The following IZUMO2 variants were observed in gnomAD, a reference collection of about 807,000 sequenced individuals.
The protein encoded by IZUMO2 is IZUMO family member 2, also known as izumo sperm-egg fusion protein 2.
A neutral mutation model predicts 31.2 loss-of-function variants in IZUMO2; 24 were observed. That is an observed-to-expected ratio of 0.77 (90% CI 0.56 to 1.08). IZUMO2 has a LOEUF of 1.08. Among genes scored for constraint, IZUMO2 ranks in the 50% least tolerant of loss-of-function variants. IZUMO2 has a pLI of 0.00. For synonymous variants in IZUMO2, 144 were observed against 117.3 expected, an observed-to-expected ratio of 1.23 and a Z score of -1.47; for missense variants, 278 against 274.0, an observed-to-expected ratio of 1.01 and a Z score of -0.10.
intron 6 of IZUMO2, among the ~76,000 whole-genome samples, chr19:50,154,265 T>A (rs1392374564): frequency 6.3e-3 from 36 of 5,676 alleles, no homozygotes; most frequent in South Asian, 7.4e-3. Flanking sequence ...ACTTTTAGCG[T>A]TTTTTTTTTT....
Position 50,152,639 on chromosome 19 carries a change from G to T in IZUMO2, c.636C>A (p.Tyr212Ter). 1 of 1,613,274 alleles carries T rather than the reference G, an allele frequency of 6.2e-7. No homozygotes were observed. The highest frequency in any genetic ancestry group is 8.5e-7 in the Non-Finnish European group (1 of 1,179,232). The change falls in exon 7 of 7, where the codon TAC (tyrosine) becomes TAA (stop). Residue 212 changes from tyrosine (Y) to a stop codon, truncating the protein, a stop_gained. Coordinates refer to ENST00000293405, the MANE Select transcript of IZUMO2 (RefSeq NM_152358.3). LOFTEE classifies it high-confidence loss of function. Reference sequence around the variant, plus strand: ...GCAGCAGGAGTTTTCGGTTTTGTCTGTATGTACAAGCCCTGGTCAGAGAGA... The same window carrying T: ...GCAGCAGGAGTTTTCGGTTTTGTCTTTATGTACAAGCCCTGGTCAGAGAGA... ...FVVIVVSACT[Y>*]RQNRKLLLQ
At position 50,154,595 on chromosome 19, in the gene IZUMO2, C is replaced by T. The variant is rs2030149447; in HGVS notation, c.623+5G>A. Reference sequence around the variant, plus strand: ...GGGACTGAGGAGGGGGCAAGGATGACTCACGAGACCACGATGACCACGAAG... The same window carrying T: ...GGGACTGAGGAGGGGGCAAGGATGATTCACGAGACCACGATGACCACGAAG... On this transcript the variant is annotated splice_donor_5th_base_variant and intron_variant, in intron 6 of 6. Transcript: ENST00000293405. 1.9e-6 allele frequency: 3 copies of T among 1,613,730 alleles called. No homozygotes were observed. Among genetic ancestry groups the T allele is most frequent in the Non-Finnish European group, 2.5e-6 (3 of 1,179,902 alleles).
chr19:50,159,106 C>T, intron 4 of IZUMO2, 124 bp downstream of exon 4: 1 of 902,088 alleles, frequency 1.1e-6, no homozygotes, highest in Non-Finnish European at 1.8e-6. Flanking sequence ...CCCTAGGTAC[C>T]ATGGCTTTGG....
rs1390968856 is a variant in IZUMO2 at position 50,158,957 on chromosome 19, AC to A, written c.415+272del. On this transcript the variant is annotated intron_variant, in intron 4 of 6. Coordinates refer to ENST00000293405, the MANE Select transcript of IZUMO2 (RefSeq NM_152358.3). ...TGAAATTTGGGTGAAAGAAAAATAAACCTTTGTTGTGTTAAACCACCAAGAT... is the reference window on the plus strand; with the variant it reads ...TGAAATTTGGGTGAAAGAAAAATAAACTTTGTTGTGTTAAACCACCAAGAT... 3.9e-5 allele frequency among the ~76,000 whole-genome samples: 6 copies of A among 152,054 alleles called. No homozygotes were observed. The East Asian group carries it at 1.2e-3, about 29-fold the overall frequency.
chr19:50,152,856 C>T (rs2030075286), intron 6 of IZUMO2, among the ~76,000 whole-genome samples: 2 of 151,996 alleles, frequency 1.3e-5, no homozygotes, highest in African/African-American at 4.8e-5. Context: ...GAGCTGGGAC[C>T]AGGGGTGATG....
At chr19:50,155,363 A>G (rs1600812031) in intron 5 of IZUMO2, among the ~76,000 whole-genome samples, 1 of 152,158 alleles carries the variant, frequency 6.6e-6, no homozygotes, top group Admixed American at 6.5e-5. Flanking sequence ...GTGCCACTGC[A>G]CCCCAGCCTG....
intron 6 of IZUMO2, among the ~76,000 whole-genome samples, chr19:50,153,288 A>G (rs2030087838): frequency 6.6e-6 from 1 of 152,186 alleles, no homozygotes; most frequent in South Asian, 2.1e-4. Context: ...GAAGGAACCA[A>G]CTTTGCCAAC....
chr19:50,152,604 C>A lies in IZUMO2; in HGVS notation c.*5G>T, dbSNP rs759859220. 6.2e-7 allele frequency: 1 copy of A among 1,611,396 alleles called. No individual in the cohort carries two copies. Among genetic ancestry groups the A allele is most frequent in the Non-Finnish European group, 8.5e-7 (1 of 1,177,524 alleles). On this transcript the variant is annotated 3_prime_UTR_variant, in exon 7 of 7. Transcript: ENST00000293405. ...TTCCTTTCTCCTTACCCCCAAACCA[C>A]CGTCCTACTGCAGCAGGAGTTTTCG...
chr19:50,154,045 C>T (rs1236394307), intron 6 of IZUMO2, among the ~76,000 whole-genome samples: 3 of 146,228 alleles, frequency 2.1e-5, no homozygotes, highest in Admixed American at 6.9e-5. Flanking sequence ...AAAGAGGCAG[C>T]GAGATAAGCT....
chr19:50,158,399 G>A lies in IZUMO2; in HGVS notation c.416-51C>T, dbSNP rs375392716. The A allele has an allele frequency of 8.2e-5, 101 of 1,237,332 alleles. 1 individual carries two copies. The highest frequency in any genetic ancestry group is 5.1e-5 in the South Asian group (4 of 78,994). 76.6% of individuals were successfully genotyped at this position (1,237,332 alleles called of 1,614,324 possible). Reference sequence around the variant, plus strand: ...AGACAAGGGCAGATATCAGAGGACCGGCAAGGGTGGAAAGGAAGAAGGAGA... The same window carrying A: ...AGACAAGGGCAGATATCAGAGGACCAGCAAGGGTGGAAAGGAAGAAGGAGA... On this transcript the variant is annotated intron_variant, in intron 4 of 6. Coordinates refer to ENST00000293405, the MANE Select transcript of IZUMO2 (RefSeq NM_152358.3).
At chr19:50,154,430 G>A (rs1187604543) in intron 6 of IZUMO2, among the ~76,000 whole-genome samples, 170 bp downstream of exon 6, 3 of 150,682 alleles carry the variant, frequency 2.0e-5, no homozygotes, top group Non-Finnish European at 4.4e-5. Context: ...GGGGCAGGGG[G>A]CGGGAGGGAG....
In IZUMO2 at chr19:50,156,805, AAAAAG is replaced by A. The variant is rs565724819; in HGVS notation, c.496+1458_496+1462del. Among the ~76,000 whole-genome samples, 13 of 152,340 alleles carry A rather than the reference AAAAAG, an allele frequency of 8.5e-5. 1 individual carries two copies. The South Asian group carries it at 2.7e-3, about 32-fold the overall frequency. On this transcript the variant is annotated intron_variant, in intron 5 of 6. Transcript: ENST00000293405. Reference sequence around the variant, plus strand: ...CAAAACAAAAACTGTTCTAGATTTTAAAAAGAAGAGAAAAACCTAACAATTGAATG... The same window carrying A: ...CAAAACAAAAACTGTTCTAGATTTTAAAGAGAAAAACCTAACAATTGAATG...
chr19:50,155,223 A>G (rs2123048943), intron 5 of IZUMO2, among the ~76,000 whole-genome samples: 1 of 152,210 alleles, frequency 6.6e-6, no homozygotes, highest in African/African-American at 2.4e-5. Context: ...GGGCTGTGAG[A>G]TCCTATCTCT....
At chr19:50,155,750 G>T (rs1324565480) in intron 5 of IZUMO2, among the ~76,000 whole-genome samples, 1 of 152,064 alleles carries the variant, frequency 6.6e-6, no homozygotes, top group Non-Finnish European at 1.5e-5. Flanking sequence ...ACCTAAGTCG[G>T]CTCCCTCTGC....
At chr19:50,155,143 G>A (rs543128755) in intron 5 of IZUMO2, among the ~76,000 whole-genome samples, 26 of 152,162 alleles carry the variant, frequency 1.7e-4, no homozygotes, top group African/African-American at 3.1e-4. Flanking sequence ...GTGAGCTTGC[G>A]CCTATAATCC....
rs2030129784 is a variant in IZUMO2 at position 50,154,264 on chromosome 19, G to GTTTTTTTGTTTTTTTT, written c.623+335_623+336insAAAAAAAACAAAAAAA. 5.0e-5 allele frequency among the ~76,000 whole-genome samples: 4 copies of GTTTTTTTGTTTTTTTT among 79,280 alleles called. 2 individuals are homozygous for GTTTTTTTGTTTTTTTT. 52.0% of individuals were successfully genotyped at this position (79,280 alleles called of 152,430 possible). A position where few individuals can be genotyped will look rare whatever the true frequency, so the allele number is the denominator to read the frequency against. Reference sequence around the variant, plus strand: ...GCATCCACCAAATATAACTTTTAGCGTTTTTTTTTTTTTTTTTTTTTTTTT... The same window carrying GTTTTTTTGTTTTTTTT: ...GCATCCACCAAATATAACTTTTAGCGTTTTTTTGTTTTTTTTTTTTTTTTTTTTTTTTTTTTTTTTT... On this transcript the variant is annotated intron_variant, in intron 6 of 6. Transcript: ENST00000293405.
chr19:50,160,765 C>CCA (rs2030371643), intron 2 of IZUMO2: 1 of 152,230 alleles, frequency 6.6e-6, no homozygotes, highest in Admixed American at 6.5e-5. Context: ...CAGGCATGAG[C>CCA]CACCGTGCCC....
chr19:50,153,665 G>C (rs926086654), intron 6 of IZUMO2: 1 of 152,046 alleles, frequency 6.6e-6, no homozygotes, highest in African/African-American at 2.4e-5. Flanking sequence ...AGCCAGGCTT[G>C]GTGGTGGGCA....
At chr19:50,158,909 C>G (rs1012576059) in intron 4 of IZUMO2, among the ~76,000 whole-genome samples, 2 of 152,166 alleles carry the variant, frequency 1.3e-5, no homozygotes, top group African/African-American at 4.8e-5. Flanking sequence ...GAGTCACCAC[C>G]TGGACTGCCA....
Sources: gnomAD v4.1 joint callset for allele counts (sites outside exome capture counted in the v4.1 genomes callset) on GRCh38, gnomAD v4.1.1 for gene constraint, MANE v1.5 for transcripts, NCBI Gene and HGNC (gene_info 2026-07-23, HGNC 2026-07-21) for gene names.